The following JADE1 variants were observed in gnomAD, a reference collection of about 807,000 sequenced individuals.
JADE1 encodes the protein protein Jade-1.
A neutral mutation model predicts 81.8 loss-of-function variants in JADE1; 14 were observed. The ratio of observed to expected loss-of-function variants is 0.17; its 90% confidence interval spans 0.11 to 0.27. The LOEUF is 0.27. Among genes scored for constraint, JADE1 ranks in the 10% least tolerant of loss-of-function variants. The probability of loss-of-function intolerance (pLI) is 1.00; values close to 1 mark genes in which losing one functional copy is unlikely to be tolerated. For missense variants in JADE1, 690 were observed against 1,047.9 expected (o/e 0.66, Z 4.71); for synonymous variants, 353 against 391.9 (o/e 0.90, Z 1.17).
chr4:128,866,535 C>T (rs1267738326), intron 9 of JADE1, among the ~76,000 whole-genome samples: 1 of 152,232 alleles, frequency 6.6e-6, no homozygotes, highest in Non-Finnish European at 1.5e-5. Flanking sequence ...CGCTCTACAC[C>T]AGAGTGCAAA....
At chr4:128,854,872 T>C (rs973313263) in intron 6 of JADE1, among the ~76,000 whole-genome samples, 6 of 152,250 alleles carry the variant, frequency 3.9e-5, no homozygotes, top group Non-Finnish European at 5.9e-5. Flanking sequence ...GTTTATGCCA[T>C]CTTGTTTAAT....
At position 128,855,815 on chromosome 4, in the gene JADE1, T is replaced by C. The variant is rs776501370; in HGVS notation, c.864+18T>C. Reference sequence around the variant, plus strand: ...TCCCTGAGGTACGTGTGGTTCTTTTTTTGTTGTTTTTACTTTTTTTTAAGA... The same window carrying C: ...TCCCTGAGGTACGTGTGGTTCTTTTCTTGTTGTTTTTACTTTTTTTTAAGA... On this transcript the variant is annotated intron_variant, in intron 7 of 10. Transcript: ENST00000226319. 1.0e-5 allele frequency: 16 copies of C among 1,554,292 alleles called. No homozygotes were observed. Among genetic ancestry groups the C allele is most frequent in the African/African-American group, 1.4e-5 (1 of 72,384 alleles).
chr4:128,834,744 C>T (rs1419700956), intron 2 of JADE1, among the ~76,000 whole-genome samples: 1 of 151,954 alleles, frequency 6.6e-6, no homozygotes, highest in Non-Finnish European at 1.5e-5. Flanking sequence ...TCATGTTAGC[C>T]AGGATGGTCT....
Position 128,846,792 on chromosome 4 carries a change from A to G in JADE1, c.296+260A>G, listed in dbSNP as rs1312175284. On this transcript the variant is annotated intron_variant, in intron 4 of 10. Transcript: ENST00000226319. The surrounding 1 kb of genome is among the most constrained non-coding windows in gnomAD (Gnocchi z 4.0). ...GGAGGTGCTGCTTTCTTATGAGAGG[A>G]AGGCAAATTCCAAGACATCCTGGGA... 6.6e-6 allele frequency among the ~76,000 whole-genome samples: 1 copy of G among 152,200 alleles called. No homozygotes were observed. Among genetic ancestry groups the G allele is most frequent in the Non-Finnish European group, 1.5e-5 (1 of 68,042 alleles).
In JADE1 at chr4:128,863,029, G is replaced by A. The variant is rs746095448; in HGVS notation, c.1503+804G>A. 2.1e-5 allele frequency: 21 copies of A among 985,286 alleles called. No homozygotes were observed. The East Asian group carries it at 4.5e-4, about 21-fold the overall frequency. The allele number at this position is 985,286 out of a possible 1,614,324, so 61.0% of individuals were successfully genotyped here. ...GAGGAGCCCCAGTCATGCTCAGCAC[G>A]CTACAGATGTGTTGTTTGTCACACT... On this transcript the variant is annotated intron_variant, in intron 9 of 10. Coordinates refer to ENST00000226319, the MANE Select transcript of JADE1 (RefSeq NM_199320.4).
intron 2 of JADE1, among the ~76,000 whole-genome samples, chr4:128,839,883 A>T (rs959596441): frequency 2.0e-5 from 3 of 152,168 alleles, no homozygotes; most frequent in Non-Finnish European, 4.4e-5. Flanking sequence ...AGCATTCCTT[A>T]TGCCAGTGAT....
At chr4:128,830,979 G>C (rs4975269) in intron 1 of JADE1, among the ~76,000 whole-genome samples, 1 of 152,010 alleles carries the variant, frequency 6.6e-6, no homozygotes, top group East Asian at 1.9e-4. Context: ...CTGGATTTGG[G>C]TCTATTTGTC....
At chr4:128,821,940 G>T (rs1727611577) in intron 1 of JADE1, among the ~76,000 whole-genome samples, 1 of 152,128 alleles carries the variant, frequency 6.6e-6, no homozygotes, top group Admixed American at 6.5e-5. Flanking sequence ...AAAAACTTAA[G>T]CTTTTGAAGT....
chr4:128,825,521 T>C (rs1441448125), intron 1 of JADE1, among the ~76,000 whole-genome samples: 1 of 152,212 alleles, frequency 6.6e-6, no homozygotes, highest in Admixed American at 6.5e-5. Context: ...ATGCAGATTT[T>C]TCCCAGTTTC....
chr4:128,826,387 T>TC (rs11379364), intron 1 of JADE1, among the ~76,000 whole-genome samples: 143,239 of 152,060 alleles, frequency 0.94, 67,532 homozygotes, highest in East Asian at 1. Flanking sequence ...AAACAGAGTT[T>TC]ACTCTTGTCA....
chr4:128,849,912 T>C (rs970211319), intron 5 of JADE1, among the ~76,000 whole-genome samples: 1 of 152,148 alleles, frequency 6.6e-6, no homozygotes, highest in African/African-American at 2.4e-5. Flanking sequence ...TGTGAAAAAC[T>C]GTGAGGATTA....
At chr4:128,870,907 C>T (rs1732142641) in intron 10 of JADE1, among the ~76,000 whole-genome samples, 1 of 152,194 alleles carries the variant, frequency 6.6e-6, no homozygotes, top group Non-Finnish European at 1.5e-5. Context: ...GAGAAACTTA[C>T]AAGCCCCGAG....
chr4:128,824,292 G>C lies in JADE1; in HGVS notation c.-26-7441G>C, dbSNP rs146057427. Among the ~76,000 whole-genome samples the C allele has an allele frequency of 1.6e-3, 238 of 152,138 alleles. 3 individuals are homozygous for C. The highest frequency in any genetic ancestry group is 0.014 in the East Asian group (72 of 5,168). ...AAATATATATATATATTAGCTGGGC[G>C]TGTTGGCAGGCGCCTGTAGTCCCAG... On this transcript the variant is annotated intron_variant, in intron 1 of 10. Coordinates refer to ENST00000226319, the MANE Select transcript of JADE1 (RefSeq NM_199320.4).
chr4:128,856,187 G>A (rs1730780367), intron 7 of JADE1, among the ~76,000 whole-genome samples: 1 of 152,154 alleles, frequency 6.6e-6, no homozygotes, highest in Admixed American at 6.5e-5. Flanking sequence ...GTGGGTGGGT[G>A]GAGAACCATG....
At chr4:128,814,660 C>T (rs1298773253) in intron 1 of JADE1, among the ~76,000 whole-genome samples, 2 of 150,226 alleles carry the variant, frequency 1.3e-5, no homozygotes, top group African/African-American at 4.9e-5. Flanking sequence ...CTCCCAGGTT[C>T]AAGCGATTCT....
chr4:128,859,371 GTGTA>G (rs1271812233), intron 8 of JADE1, among the ~76,000 whole-genome samples: 10 of 152,218 alleles, frequency 6.6e-5, no homozygotes, highest in South Asian at 2.1e-4. Flanking sequence ...GTGTGTGAAT[GTGTA>G]TGTGTGTGAG....
chr4:128,870,247 A>G (rs1156441951), intron 10 of JADE1, among the ~76,000 whole-genome samples: 1 of 152,170 alleles, frequency 6.6e-6, no homozygotes, highest in East Asian at 1.9e-4. Context: ...CAGGTTGTAA[A>G]ACACCTCCTG....
chr4:128,844,430 C>T (rs1428175059), intron 3 of JADE1, among the ~76,000 whole-genome samples: 6 of 152,168 alleles, frequency 3.9e-5, no homozygotes, highest in African/African-American at 1.4e-4. Flanking sequence ...GAGTTGACGT[C>T]CATTTGAGGG....
intron 3 of JADE1, among the ~76,000 whole-genome samples, chr4:128,843,792 A>C (rs1311993631): frequency 6.6e-6 from 1 of 152,208 alleles, no homozygotes; most frequent in Non-Finnish European, 1.5e-5. Flanking sequence ...GAGTTCACAA[A>C]CAGCCTCATC....
Sources: allele counts gnomAD v4.1 joint callset (sites outside exome capture counted in the v4.1 genomes callset), GRCh38; gene constraint gnomAD v4.1.1; non-coding constraint Gnocchi (gnomAD v3.1); transcripts MANE v1.5; gene names NCBI Gene and HGNC (gene_info 2026-07-23, HGNC 2026-07-21).